DNAAF9: variants seen among roughly 807,000 people sequenced by gnomAD.
DNAAF9 encodes shulin.
In DNAAF9, 90 loss-of-function variants were observed where a neutral mutation model predicts 167.0. The observed-to-expected ratio is 0.54, with a 90% CI of 0.45 to 0.64. The LOEUF (loss-of-function observed/expected upper bound fraction) is 0.64, where lower values mean the gene tolerates loss of function less well. DNAAF9 is among the 30% of genes least tolerant of loss of function. The pLI is 0.00. For synonymous variants in DNAAF9, 491 were observed against 508.8 expected, an observed-to-expected ratio of 0.96 and a Z score of 0.47; for missense variants, 1,315 against 1,442.2, an observed-to-expected ratio of 0.91 and a Z score of 1.43.
At chr20:3,337,324 C>T (rs942800496) in intron 10 of DNAAF9, among the ~76,000 whole-genome samples, 4 of 149,344 alleles carry the variant, frequency 2.7e-5, no homozygotes, top group East Asian at 2.0e-4. Flanking sequence ...AGTGCAGTGG[C>T]GTCATCTTGG....
At chr20:3,264,695 G>A (rs1297716399) in intron 30 of DNAAF9, among the ~76,000 whole-genome samples, 171 bp from the exon 31 acceptor site, 1 of 151,952 alleles carries the variant, frequency 6.6e-6, no homozygotes, top group African/African-American at 2.4e-5. Flanking sequence ...TCAGCCTCCT[G>A]AGTAGCGGGG....
intron 29 of DNAAF9, 150 bp downstream of exon 29, chr20:3,278,762 A>G: frequency 1.4e-6 from 1 of 740,594 alleles, no homozygotes; most frequent in Non-Finnish European, 2.5e-6. Flanking sequence ...CCTATCAAAT[A>G]TGGTAAAAGT....
In DNAAF9 at chr20:3,296,891, T is replaced by C; in HGVS notation, c.1988A>G (p.Glu663Gly). Reference protein sequence around the residue: ...NSGISLKVIQEDGLSVEQKRL... With the variant: ...NSGISLKVIQGDGLSVEQKRL... ...CTTTTGTTCCACAGATAATCCATCTTCCTGGATCACTTTTAAAGAGATCCC... is the reference window on the plus strand; with the variant it reads ...CTTTTGTTCCACAGATAATCCATCTCCCTGGATCACTTTTAAAGAGATCCC... The change falls in exon 23 of 37, where the codon GAA becomes GGA. Residue 663 changes from glutamate (E) to glycine (G), a missense_variant. By Grantham distance (98) the Glu-to-Gly change is moderately conservative. This residue lies in a region of DNAAF9 where 981 missense variants were observed against 1,012.5 expected (regional missense o/e 0.97). Coordinates refer to ENST00000252032, the MANE Select transcript of DNAAF9 (RefSeq NM_001009984.3). 6.2e-7 allele frequency: 1 copy of C among 1,611,282 alleles called. No individual in the cohort carries two copies. The highest frequency in any genetic ancestry group is 8.5e-7 in the Non-Finnish European group (1 of 1,177,434).
At chr20:3,340,433 T>TCCCTCCC in intron 10 of DNAAF9, 71 bp downstream of exon 10, 2 of 221,212 alleles carry the variant, frequency 9.0e-6, no homozygotes, top group Non-Finnish European at 1.9e-5. Context: ...TTTGTCTAGC[T>TCCCTCCC]CCCCCCACCC....
In DNAAF9 at chr20:3,249,875, G is replaced by A. The variant is rs1285484476; in HGVS notation, c.*2697C>T. Reference sequence around the variant, plus strand: ...CAGTGTCCAGGCTTCAGGTCAGATAGCCCCCAGGGCTCAGAGGGGCCGGCT... The same window carrying A: ...CAGTGTCCAGGCTTCAGGTCAGATAACCCCCAGGGCTCAGAGGGGCCGGCT... On this transcript the variant is annotated 3_prime_UTR_variant, in exon 37 of 37. Transcript: ENST00000252032. 1 of 152,088 alleles carries A rather than the reference G, an allele frequency of 6.6e-6. No homozygotes were observed. Among genetic ancestry groups the A allele is most frequent in the Non-Finnish European group, 1.5e-5 (1 of 68,028 alleles). 9.4% of individuals were successfully genotyped at this position (152,088 alleles called of 1,614,324 possible).
intron 1 of DNAAF9, among the ~76,000 whole-genome samples, chr20:3,393,164 C>T (rs988653433): frequency 1.3e-5 from 2 of 151,634 alleles, no homozygotes; most frequent in African/African-American, 4.9e-5. Flanking sequence ...ATGTTGAATA[C>T]CTTTTATTTA....
rs545711069 is a variant in DNAAF9 at position 3,327,069 on chromosome 20, C to T, written c.1101-785G>A. 5.3e-5 allele frequency among the ~76,000 whole-genome samples: 8 copies of T among 152,188 alleles called. No homozygotes were observed. The East Asian group carries it at 1.2e-3, about 22-fold the overall frequency. On this transcript the variant is annotated intron_variant, in intron 12 of 36. Transcript: ENST00000252032. ...GGAACCTCCGGGTAGGAGACCTCAG[C>T]GGGAGAAGAGAGATGACCAGACTGA...
chr20:3,395,995 G>A (rs113606977), intron 1 of DNAAF9, among the ~76,000 whole-genome samples: 25 of 152,238 alleles, frequency 1.6e-4, no homozygotes, highest in African/African-American at 3.9e-4. Flanking sequence ...CCATGACAGC[G>A]AATAAGTCCC....
At chr20:3,309,217 T>G (rs1214981820) in intron 20 of DNAAF9, among the ~76,000 whole-genome samples, 6 of 152,118 alleles carry the variant, frequency 3.9e-5, no homozygotes, top group Non-Finnish European at 7.4e-5. Context: ...TTATGTTAAA[T>G]TTAAAGATCA....
chr20:3,321,762 G>A (rs1376614962), intron 16 of DNAAF9, among the ~76,000 whole-genome samples: 4 of 151,998 alleles, frequency 2.6e-5, no homozygotes, highest in Admixed American at 6.6e-5. Flanking sequence ...TTTTAGACAC[G>A]GGGTCTCACT....
chr20:3,361,889 C>CT (rs2083369852), intron 6 of DNAAF9: 1 of 1,489,288 alleles, frequency 6.7e-7, no homozygotes. Flanking sequence ...GTTAATTGCT[C>CT]TAACACTGTC....
At chr20:3,342,674 A>C (rs1407686297) in intron 9 of DNAAF9, among the ~76,000 whole-genome samples, 2 of 152,186 alleles carry the variant, frequency 1.3e-5, no homozygotes, top group Non-Finnish European at 2.9e-5. Flanking sequence ...TCTGAAGCTT[A>C]ATTCAAGCTA....
At chr20:3,388,077 A>G (rs2083776139) in intron 1 of DNAAF9, among the ~76,000 whole-genome samples, 1 of 151,408 alleles carries the variant, frequency 6.6e-6, no homozygotes, top group African/African-American at 2.4e-5. Context: ...CAAAAAAAAA[A>G]AAAAAGAAAA....
At chr20:3,254,879 C>A (rs2281495) in intron 35 of DNAAF9, among the ~76,000 whole-genome samples, 1 of 152,060 alleles carries the variant, frequency 6.6e-6, no homozygotes, top group Non-Finnish European at 1.5e-5. Flanking sequence ...TGGATCCAGA[C>A]AGTTTTTGCC....
rs1239838249 is a variant in DNAAF9, at chr20:3,250,110, G to C, written c.*2462C>G. On this transcript the variant is annotated 3_prime_UTR_variant, in exon 37 of 37. Transcript: ENST00000252032. Reference sequence around the variant, plus strand: ...AGCAAAAAGCATGTAAGCCCCGGGAGGACTGCCTGTCCCTGGGAACCCACC... The same window carrying C: ...AGCAAAAAGCATGTAAGCCCCGGGACGACTGCCTGTCCCTGGGAACCCACC... 6.6e-6 allele frequency: 1 copy of C among 152,242 alleles called. No individual in the cohort carries two copies. Among genetic ancestry groups the C allele is most frequent in the African/African-American group, 2.4e-5 (1 of 41,450 alleles). 9.4% of individuals were successfully genotyped at this position (152,242 alleles called of 1,614,324 possible).
rs372901012 is a variant in DNAAF9 at position 3,349,151 on chromosome 20, TCCAGA to T, written c.691-533_691-529del. Among the ~76,000 whole-genome samples, 860 of 130,272 alleles carry T rather than the reference TCCAGA, an allele frequency of 6.6e-3. 8 individuals are homozygous for T. Among genetic ancestry groups the T allele is most frequent in the African/African-American group, 0.024 (821 of 33,932 alleles). The allele number at this position is 130,272 out of a possible 152,430, so 85.5% of individuals were successfully genotyped here. ...GGAGAATCACATGAGCCCCAGGACT[TCCAGA>T]CCAGCTTGGGCAACATGATGAGACC... On this transcript the variant is annotated intron_variant, in intron 7 of 36. Coordinates refer to ENST00000252032, the MANE Select transcript of DNAAF9 (RefSeq NM_001009984.3).
intron 1 of DNAAF9, among the ~76,000 whole-genome samples, chr20:3,386,808 G>C (rs2083746327): frequency 6.6e-6 from 1 of 150,972 alleles, no homozygotes; most frequent in African/African-American, 2.4e-5. Context: ...AAGGTATAAA[G>C]AAACAATTTG....
At chr20:3,342,844 G>A (rs1003831582) in intron 9 of DNAAF9, among the ~76,000 whole-genome samples, 1 of 152,090 alleles carries the variant, frequency 6.6e-6, no homozygotes, top group Non-Finnish European at 1.5e-5. Context: ...AAGAGATGTG[G>A]GAGAAAACAC....
intron 20 of DNAAF9, among the ~76,000 whole-genome samples, chr20:3,314,475 A>G (rs2069468656): frequency 6.6e-6 from 1 of 152,178 alleles, no homozygotes. Context: ...TCCCTGTCTG[A>G]CAGCCACCAA....
Sources: gnomAD v4.1 joint callset for allele counts (sites outside exome capture counted in the v4.1 genomes callset) on GRCh38, gnomAD v4.1.1 for gene constraint, gnomAD v4.1.1 regional missense constraint, MANE v1.5 for transcripts, NCBI Gene and HGNC (gene_info 2026-07-23, HGNC 2026-07-21) for gene names.